Variants in DOCK1 observed in about 807,000 individuals in gnomAD.
DOCK1 encodes dedicator of cytokinesis protein 1.
Under a neutral mutation model 262.7 loss-of-function variants are expected in DOCK1, and 138 were observed. The ratio of observed to expected loss-of-function variants is 0.53; its 90% CI spans 0.46 to 0.61. The LOEUF is 0.61. Among genes scored for constraint, DOCK1 ranks in the 20% least tolerant of loss-of-function variants. DOCK1 has a pLI of 0.00. For synonymous variants in DOCK1, 866 were observed against 867.4 expected (o/e 1.00, Z 0.03); for missense variants, 1,908 against 2,370.7 (o/e 0.80, Z 4.05).
chr10:127,348,124 T>G (rs1323655442), intron 31 of DOCK1, among the ~76,000 whole-genome samples: 1 of 151,418 alleles, frequency 6.6e-6, no homozygotes, highest in Non-Finnish European at 1.5e-5. Flanking sequence ...AGACCCAAAT[T>G]GAGTATGAGA....
intron 38 of DOCK1, among the ~76,000 whole-genome samples, chr10:127,401,868 T>C (rs2067244463): frequency 6.6e-6 from 1 of 152,326 alleles, no homozygotes. Context: ...ACTCTTTCTT[T>C]ACTGCAATGC....
In DOCK1 at chr10:127,052,246, G is replaced by T. The variant is rs535162833; in HGVS notation, c.2202-435G>T. ...TTACTGATTAGAAAACGTTTTACAGGCCGTGCAGTGGCTTACGCCTATGAT... is the reference window on the plus strand; with the variant it reads ...TTACTGATTAGAAAACGTTTTACAGTCCGTGCAGTGGCTTACGCCTATGAT... On this transcript the variant is annotated intron_variant, in intron 21 of 51. Coordinates refer to ENST00000623213, the MANE Select transcript of DOCK1 (RefSeq NM_001290223.2). Among the ~76,000 whole-genome samples, 5 of 152,260 alleles carry T rather than the reference G, an allele frequency of 3.3e-5. No homozygotes were observed. The East Asian group carries it at 9.7e-4, about 29-fold the overall frequency.
chr10:127,009,224 T>C (rs1591630492), intron 11 of DOCK1, among the ~76,000 whole-genome samples: 1 of 152,218 alleles, frequency 6.6e-6, no homozygotes, highest in Non-Finnish European at 1.5e-5. Flanking sequence ...AAGCGAGAAA[T>C]AATGCTTTAA....
At chr10:127,217,591 T>C (rs1403645180) in intron 27 of DOCK1, among the ~76,000 whole-genome samples, 1 of 152,240 alleles carries the variant, frequency 6.6e-6, no homozygotes, top group Non-Finnish European at 1.5e-5. Context: ...ATGGAAGTAA[T>C]GATAAAGTCT....
intron 27 of DOCK1, among the ~76,000 whole-genome samples, chr10:127,213,836 GC>G (rs1266810559): frequency 6.6e-6 from 1 of 152,154 alleles, no homozygotes; most frequent in African/African-American, 2.4e-5. Flanking sequence ...ATATTCATCA[GC>G]ATCATTTCAT....
rs189488861 is a variant in DOCK1, at chr10:127,303,450, C to T, written c.3045-35556C>T. On this transcript the variant is annotated intron_variant, in intron 29 of 51. Coordinates refer to ENST00000623213, the MANE Select transcript of DOCK1 (RefSeq NM_001290223.2). Reference sequence around the variant, plus strand: ...TGGCTAACATTTAGTCAAAAAGAGTCTCTGTCAGTGCTCGATTTAGTTTTA... The same window carrying T: ...TGGCTAACATTTAGTCAAAAAGAGTTTCTGTCAGTGCTCGATTTAGTTTTA... Among the ~76,000 whole-genome samples the T allele has an allele frequency of 1.6e-3, 241 of 152,186 alleles. 1 individual carries two copies. The highest frequency in any genetic ancestry group is 2.8e-3 in the Non-Finnish European group (190 of 68,022).
At chr10:127,042,064 A>G (rs2044053221) in intron 19 of DOCK1, among the ~76,000 whole-genome samples, 1 of 152,210 alleles carries the variant, frequency 6.6e-6, no homozygotes, top group African/African-American at 2.4e-5. Context: ...GGTAAATTTT[A>G]GTCAACTGTA....
chr10:126,961,406 A>G lies in DOCK1; in HGVS notation c.47-9296A>G, dbSNP rs978762953. On this transcript the variant is annotated intron_variant, in intron 1 of 51. Coordinates refer to ENST00000623213, the MANE Select transcript of DOCK1 (RefSeq NM_001290223.2). Reference sequence around the variant, plus strand: ...AGTTGGAGACCAGCCTGGCCAACATAGAGAAGCGCTGTCTCTACTAAAAAT... The same window carrying G: ...AGTTGGAGACCAGCCTGGCCAACATGGAGAAGCGCTGTCTCTACTAAAAAT... Among the ~76,000 whole-genome samples, 528 of 152,248 alleles carry G rather than the reference A, an allele frequency of 3.5e-3. 2 individuals carry two copies. The highest frequency in any genetic ancestry group is 0.012 in the African/African-American group (486 of 41,546).
chr10:127,195,531 C>A lies in DOCK1; in HGVS notation c.2848-52477C>A, dbSNP rs185602266. ...CCCTCTGTTCCAACTCATCCCCCCC[C>A]CGAAGTTAATCAGCCGTACTTGTAC... On this transcript the variant is annotated intron_variant, in intron 27 of 51. Coordinates refer to ENST00000623213, the MANE Select transcript of DOCK1 (RefSeq NM_001290223.2). Among the ~76,000 whole-genome samples, 13 of 152,110 alleles carry A rather than the reference C, an allele frequency of 8.5e-5. No individual in the cohort carries two copies. The South Asian group carries it at 1.3e-3, about 15-fold the overall frequency.
chr10:127,258,529 A>C (rs950397754), intron 29 of DOCK1, among the ~76,000 whole-genome samples: 1 of 152,184 alleles, frequency 6.6e-6, no homozygotes, highest in Admixed American at 6.5e-5. Context: ...ACCAAGTGTG[A>C]TGAACCATTT....
At chr10:126,996,170 C>G (rs1281829130) in intron 6 of DOCK1, among the ~76,000 whole-genome samples, 1 of 151,990 alleles carries the variant, frequency 6.6e-6, no homozygotes, top group Non-Finnish European at 1.5e-5. Context: ...CACCTGAGGT[C>G]AGGAGTTGAG....
intron 29 of DOCK1, among the ~76,000 whole-genome samples, chr10:127,266,472 A>T (rs966734842): frequency 7.8e-6 from 1 of 128,164 alleles, no homozygotes; most frequent in Non-Finnish European, 1.7e-5. Flanking sequence ...CAACTAGCTA[A>T]GTACCAAAAC....
intron 27 of DOCK1, among the ~76,000 whole-genome samples, chr10:127,180,130 T>G (rs2055587443): frequency 6.6e-6 from 1 of 152,226 alleles, no homozygotes; most frequent in Non-Finnish European, 1.5e-5. Context: ...ATGATAAACT[T>G]GAAAACATCA....
intron 2 of DOCK1, among the ~76,000 whole-genome samples, chr10:126,972,883 G>T (rs895404533): frequency 2.6e-5 from 4 of 151,810 alleles, no homozygotes; most frequent in Admixed American, 2.6e-4. Flanking sequence ...TCCTTAAGCG[G>T]ATGAGTAGTT....
chr10:127,391,552 C>T (rs368743856), intron 38 of DOCK1, among the ~76,000 whole-genome samples: 3 of 152,112 alleles, frequency 2.0e-5, no homozygotes, highest in African/African-American at 7.2e-5. Context: ...TTTCATTTCC[C>T]GGGCTTAGCA....
chr10:127,158,279 C>G (rs532724014), intron 27 of DOCK1, among the ~76,000 whole-genome samples: 11 of 152,156 alleles, frequency 7.2e-5, no homozygotes, highest in African/African-American at 2.2e-4. Flanking sequence ...TAAGGAAGAA[C>G]AACCTAAAAA....
intron 21 of DOCK1, among the ~76,000 whole-genome samples, chr10:127,048,660 T>G (rs2044506568): frequency 6.6e-6 from 1 of 152,220 alleles, no homozygotes; most frequent in African/African-American, 2.4e-5. Context: ...AAAATTAAAC[T>G]AAACAATTAC....
intron 45 of DOCK1, 26 bp downstream of exon 45, chr10:127,418,567 G>T: frequency 6.2e-7 from 1 of 1,603,746 alleles, no homozygotes; most frequent in Non-Finnish European, 8.5e-7. Context: ...GCTTGCTCTG[G>T]GCAAGCAGTC....
intron 29 of DOCK1, among the ~76,000 whole-genome samples, chr10:127,277,356 G>A (rs1013881510): frequency 2.0e-5 from 3 of 152,152 alleles, no homozygotes; most frequent in Non-Finnish European, 2.9e-5. Flanking sequence ...CAAAGCATGT[G>A]CATTTGTCAG....
Sources: allele counts gnomAD v4.1 joint callset (sites outside exome capture counted in the v4.1 genomes callset), GRCh38; gene constraint gnomAD v4.1.1; transcripts MANE v1.5; gene names NCBI Gene and HGNC (gene_info 2026-07-23, HGNC 2026-07-21).